Variants in OPHN1 observed in about 807,000 individuals in gnomAD.
OPHN1 encodes oligophrenin 1, also known as oligophrenin-1.
A neutral mutation model predicts 60.7 loss-of-function variants in OPHN1; 11 were observed. The observed-to-expected ratio is 0.18, with a 90% CI of 0.11 to 0.30. OPHN1 has a LOEUF of 0.30. OPHN1 is among the 10% of genes least tolerant of loss of function. OPHN1 has a pLI of 1.00. For synonymous variants in OPHN1, 226 were observed against 222.6 expected, an observed-to-expected ratio of 1.02 and a Z score of -0.14; for missense variants, 449 against 611.0, an observed-to-expected ratio of 0.73 and a Z score of 2.80.
At position 68,304,859 on chromosome X, in the gene OPHN1, C is replaced by T. The variant is rs1158066524; in HGVS notation, c.155-5763G>A. ...ACAAGGCCCTACCCCCAGAAAATTGCCATCCGGTTTAATATGTCCTATAAG... is the reference window on the plus strand; with the variant it reads ...ACAAGGCCCTACCCCCAGAAAATTGTCATCCGGTTTAATATGTCCTATAAG... On this transcript the variant is annotated intron_variant, in intron 2 of 24. Transcript: ENST00000355520. Among the ~76,000 whole-genome samples, 3 of 110,893 alleles carry T rather than the reference C, an allele frequency of 2.7e-5. No homozygotes were observed. In the Admixed American group the frequency reaches 2.9e-4, roughly 11 times the overall value.
At chrX:68,081,126 T>G (rs1410735034) in intron 19 of OPHN1, among the ~76,000 whole-genome samples, 1 of 111,891 alleles carries the variant, frequency 8.9e-6, no homozygotes, top group Non-Finnish European at 1.9e-5. Context: ...ATAAAGCAGC[T>G]CAATGACAGT....
chrX:68,117,410 A>T (rs1210085196), intron 16 of OPHN1, among the ~76,000 whole-genome samples: 1 of 111,925 alleles, frequency 8.9e-6, no homozygotes, highest in Non-Finnish European at 1.9e-5. Context: ...CATTTGTATG[A>T]TTATTTGTCT....
At chrX:68,204,329 G>A (rs2077548857) in intron 10 of OPHN1, among the ~76,000 whole-genome samples, 1 of 111,756 alleles carries the variant, frequency 8.9e-6, no homozygotes, top group Non-Finnish European at 1.9e-5. Context: ...GCTATAGTAA[G>A]TGCCATAGTC....
At chrX:68,167,991 T>A (rs748864930) in intron 15 of OPHN1, among the ~76,000 whole-genome samples, 7 of 111,096 alleles carry the variant, frequency 6.3e-5, no homozygotes, top group Non-Finnish European at 9.4e-5. Context: ...ACAAACATCA[T>A]ATGTTCTCAA....
chrX:68,358,317 T>C (rs1395567380), intron 2 of OPHN1, among the ~76,000 whole-genome samples: 1 of 109,441 alleles, frequency 9.1e-6, no homozygotes, highest in Non-Finnish European at 1.9e-5. Context: ...TGAGACTCCA[T>C]TTCAAAAAGT....
At chrX:68,176,122 A>C (rs999543154) in intron 15 of OPHN1, among the ~76,000 whole-genome samples, 7 of 112,268 alleles carry the variant, frequency 6.2e-5, no homozygotes, top group Non-Finnish European at 1.1e-4. Flanking sequence ...CTTTTAGAAG[A>C]AAACATAGGG....
chrX:68,109,290 GT>G (rs753927914), intron 18 of OPHN1, among the ~76,000 whole-genome samples: 4 of 109,998 alleles, frequency 3.6e-5, no homozygotes, highest in African/African-American at 1.3e-4. Flanking sequence ...TTTGTGTCTT[GT>G]TTTTTTTCAC....
intron 2 of OPHN1, among the ~76,000 whole-genome samples, chrX:68,398,960 A>AGTGTGTGTGTGT (rs113103699): frequency 7.3e-5 from 7 of 95,239 alleles, no homozygotes; most frequent in Non-Finnish European, 1.3e-4. Context: ...AAACAAAAAA[A>AGTGTGTGTGTGT]GTGTGTGTGT....
At chrX:68,175,426 A>AT (rs769720547) in intron 15 of OPHN1, among the ~76,000 whole-genome samples, 10 of 110,470 alleles carry the variant, frequency 9.1e-5, no homozygotes, top group Non-Finnish European at 1.5e-4. Flanking sequence ...CCAAACAAGA[A>AT]TTTTTTTTCC....
chrX:68,308,867 C>A (rs1278220846), intron 2 of OPHN1, among the ~76,000 whole-genome samples: 3 of 109,715 alleles, frequency 2.7e-5, no homozygotes, highest in Non-Finnish European at 5.7e-5. Flanking sequence ...GCAGCCTCAA[C>A]CTCCTGGGCT....
At position 68,111,929 on chromosome X, in the gene OPHN1, G is replaced by C; in HGVS notation, c.1451C>G (p.Ala484Gly). 1 of 1,203,824 alleles carries C rather than the reference G, an allele frequency of 8.3e-7. No homozygotes were observed. The highest frequency in any genetic ancestry group is 1.1e-6 in the Non-Finnish European group (1 of 888,530). The change falls in exon 18 of 25, where the codon GCT becomes GGT. Residue 484 changes from alanine to glycine, a missense_variant. Physicochemically the swap from Ala to Gly is moderately conservative, Grantham distance 60 (BLOSUM62 0). This residue lies in a region of OPHN1 where 166 missense variants were observed against 278.4 expected (regional missense o/e 0.60). Transcript: ENST00000355520. ...TAGCTTATATACCAGGGAGTGAATA[G>C]CTCCTAGGCGGTAATCCAGGTTGTC... ...KSDNLDYRLGAIHSLVYKLPE... is the reference protein window; with the variant it reads ...KSDNLDYRLGGIHSLVYKLPE...
chrX:68,283,155 T>C, intron 3 of OPHN1, 38 bp from the exon 4 acceptor site: 1 of 1,090,080 alleles, frequency 9.2e-7, no homozygotes, highest in East Asian at 3.0e-5. Flanking sequence ...AAATTAATCA[T>C]GGTGCTTGAC....
chrX:68,284,648 A>G (rs751265350), intron 3 of OPHN1, among the ~76,000 whole-genome samples: 9 of 111,757 alleles, frequency 8.1e-5, no homozygotes, highest in Non-Finnish European at 1.5e-4. Flanking sequence ...ACAGTTGCAG[A>G]ACATTTTCAT....
intron 15 of OPHN1, among the ~76,000 whole-genome samples, chrX:68,142,627 A>T (rs1569224565): frequency 8.9e-6 from 1 of 112,023 alleles, no homozygotes. Flanking sequence ...ACATTTCCCT[A>T]TTCTCTGCTT....
chrX:68,431,488 C>A (rs2078885323), intron 2 of OPHN1, among the ~76,000 whole-genome samples: 1 of 112,210 alleles, frequency 8.9e-6, no homozygotes, highest in Non-Finnish European at 1.9e-5. Flanking sequence ...ACGGTCTCGG[C>A]TCACTGCAAC....
intron 2 of OPHN1, among the ~76,000 whole-genome samples, chrX:68,430,542 G>A (rs1264854417): frequency 4.5e-5 from 5 of 111,347 alleles, no homozygotes; most frequent in Non-Finnish European, 9.4e-5. Context: ...AAGGAAAGAG[G>A]CCAGGCGTGG....
intron 19 of OPHN1, among the ~76,000 whole-genome samples, chrX:68,076,928 G>A (rs757007699): frequency 8.1e-5 from 9 of 111,745 alleles, no homozygotes; most frequent in East Asian, 5.6e-4. Flanking sequence ...GCATTATTCC[G>A]TTTATACAAA....
intron 15 of OPHN1, among the ~76,000 whole-genome samples, chrX:68,176,181 G>A (rs1243745671): frequency 3.6e-5 from 4 of 111,557 alleles, no homozygotes; most frequent in South Asian, 3.7e-4. Flanking sequence ...AATATGCCAC[G>A]AAATGCACAA....
Position 68,111,963 on chromosome X carries a change from G to A in OPHN1, c.1421-4C>T, listed in dbSNP as rs1243468936. Reference sequence around the variant, plus strand: ...CGGTAATCCAGGTTGTCAGACTCTGGGATAGAACAGTAAGAGATAAATGGT... The same window carrying A: ...CGGTAATCCAGGTTGTCAGACTCTGAGATAGAACAGTAAGAGATAAATGGT... On this transcript the variant is annotated splice_region_variant and splice_polypyrimidine_tract_variant and intron_variant, in intron 17 of 24. Coordinates refer to ENST00000355520, the MANE Select transcript of OPHN1 (RefSeq NM_002547.3). 1.7e-6 allele frequency: 2 copies of A among 1,143,060 alleles called. No individual in the cohort carries two copies. Among genetic ancestry groups the A allele is most frequent in the East Asian group, 3.0e-5 (1 of 33,289 alleles). The allele number at this position is 1,143,060 out of a possible 1,213,427, so 94.2% of individuals were successfully genotyped here.
Sources: gnomAD v4.1 joint callset for allele counts (sites outside exome capture counted in the v4.1 genomes callset) on GRCh38, gnomAD v4.1.1 for gene constraint, gnomAD v4.1.1 regional missense constraint, MANE v1.5 for transcripts, NCBI Gene and HGNC (gene_info 2026-07-23, HGNC 2026-07-21) for gene names.